The following SLC9A9 variants were observed in gnomAD, a reference collection of about 807,000 sequenced individuals.
SLC9A9 encodes sodium/hydrogen exchanger 9.
Under a neutral mutation model 77.8 loss-of-function variants are expected in SLC9A9, and 62 were observed. That is an observed-to-expected ratio of 0.80 (90% CI 0.65 to 0.98). The LOEUF is 0.98. Ranked by LOEUF, SLC9A9 falls within the 50% of genes least tolerant of loss-of-function variation. The probability of loss-of-function intolerance (pLI) is 0.00; values close to 1 mark genes in which losing one functional copy is unlikely to be tolerated. For missense variants in SLC9A9, 775 were observed against 774.9 expected, an observed-to-expected ratio of 1.00 and a Z score of 0.00; for synonymous variants, 320 against 283.5, an observed-to-expected ratio of 1.13 and a Z score of -1.29.
rs188747604 is a variant in SLC9A9, at chr3:143,763,910, G to C, written c.533+31091C>G. On this transcript the variant is annotated intron_variant, in intron 4 of 15. Transcript: ENST00000316549. ...TTATTGAGAGTCTAATATGATAAGT[G>C]TGTGTTGCTTCTTTTTAACTAGGAG... Among the ~76,000 whole-genome samples, 169 of 152,074 alleles carry C rather than the reference G, an allele frequency of 1.1e-3. 1 individual carries two copies. In the East Asian group the frequency reaches 0.012, roughly 11 times the overall value.
chr3:143,342,771 C>T (rs1200618430), intron 14 of SLC9A9, among the ~76,000 whole-genome samples: 2 of 152,196 alleles, frequency 1.3e-5, no homozygotes, highest in East Asian at 3.9e-4. Flanking sequence ...ATTGAGTGAT[C>T]TATTTAATCA....
intron 4 of SLC9A9, among the ~76,000 whole-genome samples, chr3:143,779,044 T>C (rs2007786055): frequency 6.6e-6 from 1 of 152,250 alleles, no homozygotes; most frequent in South Asian, 2.1e-4. Context: ...TTTATAATAA[T>C]TTCTGGATCT....
At chr3:143,503,612 G>T in intron 9 of SLC9A9, 1 of 448,822 alleles carries the variant, frequency 2.2e-6, no homozygotes, top group South Asian at 1.6e-5. Flanking sequence ...GTTCAGCTCA[G>T]GGATGACCTT....
chr3:143,628,957 T>C (rs2038375461), intron 6 of SLC9A9, among the ~76,000 whole-genome samples: 1 of 152,174 alleles, frequency 6.6e-6, no homozygotes, highest in South Asian at 2.1e-4. Flanking sequence ...ATATATTTTT[T>C]CCAAAAGATT....
intron 9 of SLC9A9, among the ~76,000 whole-genome samples, chr3:143,506,636 G>C (rs1253214381): frequency 2.0e-5 from 3 of 152,174 alleles, no homozygotes; most frequent in Non-Finnish European, 2.9e-5. Flanking sequence ...CTGTGAGTTT[G>C]TGGCTGACAT....
chr3:143,828,997 C>T (rs979327938), intron 2 of SLC9A9, among the ~76,000 whole-genome samples: 1 of 152,178 alleles, frequency 6.6e-6, no homozygotes, highest in Admixed American at 6.5e-5. Context: ...AGAGGCAGAA[C>T]ACAGTCACAC....
chr3:143,605,066 C>T (rs1054624447), intron 6 of SLC9A9, among the ~76,000 whole-genome samples: 41 of 152,096 alleles, frequency 2.7e-4, no homozygotes, highest in African/African-American at 9.2e-4. Flanking sequence ...ACATGGAGCG[C>T]ATTATGTTCA....
chr3:143,328,778 TC>T (rs1451027086), intron 14 of SLC9A9, among the ~76,000 whole-genome samples: 1 of 152,224 alleles, frequency 6.6e-6, no homozygotes, highest in Non-Finnish European at 1.5e-5. Flanking sequence ...GCTTGATTTT[TC>T]CCCCTAATAT....
intron 13 of SLC9A9, among the ~76,000 whole-genome samples, chr3:143,365,942 T>A (rs570090426): frequency 2.1e-5 from 3 of 141,196 alleles, no homozygotes; most frequent in East Asian, 5.6e-4. Context: ...TCCCACCCTT[T>A]CCTTTAAGAA....
intron 14 of SLC9A9, among the ~76,000 whole-genome samples, chr3:143,336,190 GAT>G (rs1398386181): frequency 3.3e-5 from 5 of 152,094 alleles, no homozygotes; most frequent in Non-Finnish European, 7.4e-5. Flanking sequence ...TACATAATGA[GAT>G]ATCACCTCAT....
intron 6 of SLC9A9, among the ~76,000 whole-genome samples, chr3:143,622,617 A>G (rs1405618789): frequency 6.6e-6 from 1 of 152,084 alleles, no homozygotes; most frequent in African/African-American, 2.4e-5. Flanking sequence ...TGAAAGAAGC[A>G]CTAAACATGG....
chr3:143,559,577 C>G (rs2037047090), intron 8 of SLC9A9, among the ~76,000 whole-genome samples: 1 of 151,006 alleles, frequency 6.6e-6, no homozygotes, highest in Non-Finnish European at 1.5e-5. Flanking sequence ...TTTTTAAGGT[C>G]AAAGAAATAA....
chr3:143,522,924 A>C (rs893094406), intron 9 of SLC9A9, among the ~76,000 whole-genome samples: 2 of 152,154 alleles, frequency 1.3e-5, no homozygotes, highest in Admixed American at 6.6e-5. Flanking sequence ...GGGTCTGCTA[A>C]GTATCTCATT....
intron 5 of SLC9A9, among the ~76,000 whole-genome samples, chr3:143,686,606 C>T (rs1218957388): frequency 6.6e-6 from 1 of 152,116 alleles, no homozygotes; most frequent in East Asian, 1.9e-4. Flanking sequence ...ATGCTTGTAT[C>T]TCCACATATC....
At chr3:143,795,121 T>A in intron 3 of SLC9A9, 44 bp from the exon 4 acceptor site, 1 of 1,540,270 alleles carries the variant, frequency 6.5e-7, no homozygotes, top group African/African-American at 1.4e-5. Context: ...TCAGAATTTT[T>A]TCTTAGTGCA....
At chr3:143,520,160 C>T (rs1031357179) in intron 9 of SLC9A9, among the ~76,000 whole-genome samples, 1 of 152,122 alleles carries the variant, frequency 6.6e-6, no homozygotes, top group Non-Finnish European at 1.5e-5. Flanking sequence ...GTCATAATTG[C>T]TAATATGGTG....
rs180950761 is a variant in SLC9A9 at position 143,347,858 on chromosome 3, A to G, written c.1604+15626T>C. Among the ~76,000 whole-genome samples, 21 of 152,300 alleles carry G rather than the reference A, an allele frequency of 1.4e-4. 1 individual carries two copies. Among genetic ancestry groups the G allele is most frequent in the Admixed American group, 5.9e-4 (9 of 15,286 alleles). On this transcript the variant is annotated intron_variant, in intron 14 of 15. Transcript: ENST00000316549. ...AAACCAAGATGATACGGGGGATGCCATTAGAAAAATATATTTGTAAGGTGA... is the reference window on the plus strand; with the variant it reads ...AAACCAAGATGATACGGGGGATGCCGTTAGAAAAATATATTTGTAAGGTGA...
At chr3:143,803,329 C>A (rs1354118232) in intron 2 of SLC9A9, among the ~76,000 whole-genome samples, 3 of 152,182 alleles carry the variant, frequency 2.0e-5, no homozygotes, top group Non-Finnish European at 1.5e-5. Context: ...GCCTGTTCAT[C>A]CTTATCCTAC....
At chr3:143,828,524 T>C (rs1228283033) in intron 2 of SLC9A9, among the ~76,000 whole-genome samples, 1 of 151,816 alleles carries the variant, frequency 6.6e-6, no homozygotes, top group Non-Finnish European at 1.5e-5. Context: ...TGTCAAGTAC[T>C]ATGAAATAAG....
Sources: gnomAD v4.1 joint callset for allele counts (sites outside exome capture counted in the v4.1 genomes callset) on GRCh38, gnomAD v4.1.1 for gene constraint, MANE v1.5 for transcripts, NCBI Gene and HGNC (gene_info 2026-07-23, HGNC 2026-07-21) for gene names.